The following KAZN variants were observed in gnomAD, a reference collection of about 807,000 sequenced individuals.
KAZN encodes the protein kazrin.
Under a neutral mutation model 87.4 loss-of-function variants are expected in KAZN, and 40 were observed. The ratio of observed to expected loss-of-function variants is 0.46; its 90% CI spans 0.36 to 0.60. The LOEUF is 0.60. Ranked by LOEUF, KAZN falls within the 20% of genes least tolerant of loss-of-function variation. The pLI is 0.00. For missense variants in KAZN, 898 were observed against 1,073.9 expected, an observed-to-expected ratio of 0.84 and a Z score of 2.29; for synonymous variants, 466 against 458.3, an observed-to-expected ratio of 1.02 and a Z score of -0.22.
chr1:14,409,461 C>G (rs937042454), intron 2 of KAZN, among the ~76,000 whole-genome samples: 1 of 152,172 alleles, frequency 6.6e-6, no homozygotes, highest in African/African-American at 2.4e-5. Context: ...TCTGTTAAAA[C>G]AAAATTATTG....
intron 2 of KAZN, among the ~76,000 whole-genome samples, chr1:14,245,038 A>C (rs962442083): frequency 6.6e-6 from 1 of 151,608 alleles, no homozygotes; most frequent in African/African-American, 2.4e-5. Context: ...TCGGCTCACT[A>C]CTGCCTCCAC....
intron 2 of KAZN, among the ~76,000 whole-genome samples, chr1:14,254,163 A>G (rs1049114670): frequency 2.0e-5 from 3 of 152,154 alleles, no homozygotes; most frequent in African/African-American, 7.2e-5. Flanking sequence ...TCTCATACCC[A>G]TTATGGCATG....
rs113370357 is a variant in KAZN at position 14,973,184 on chromosome 1, C to T, written c.418+12309C>T. 9.9e-3 allele frequency among the ~76,000 whole-genome samples: 1,513 copies of T among 152,234 alleles called. 20 individuals are homozygous for T. Among genetic ancestry groups the T allele is most frequent in the African/African-American group, 0.034 (1,411 of 41,526 alleles). ...GTGCTAGTTTTCCATCAATAGACAT[C>T]GTTTTAATGTTACTAAAATATTACT... On this transcript the variant is annotated intron_variant, in intron 2 of 14. Transcript: ENST00000376030.
intron 1 of KAZN, among the ~76,000 whole-genome samples, chr1:14,717,162 C>G (rs1257516857): frequency 6.6e-6 from 1 of 151,284 alleles, no homozygotes; most frequent in African/African-American, 2.4e-5. Context: ...GCATTATTGT[C>G]TCATAACCTC....
chr1:14,108,506 A>G (rs1644428567), intron 1 of KAZN, among the ~76,000 whole-genome samples: 1 of 152,194 alleles, frequency 6.6e-6, no homozygotes, highest in Non-Finnish European at 1.5e-5. Flanking sequence ...AAAACGTGGC[A>G]TCGTGCCAGA....
intron 1 of KAZN, among the ~76,000 whole-genome samples, chr1:13,905,656 C>T (rs776158824): frequency 8.5e-5 from 13 of 152,316 alleles, no homozygotes; most frequent in Admixed American, 3.9e-4. Context: ...TAAAACCTTG[C>T]CATCTATCCC....
intron 2 of KAZN, among the ~76,000 whole-genome samples, chr1:14,430,986 G>A (rs1666032115): frequency 1.3e-5 from 2 of 152,220 alleles, no homozygotes; most frequent in African/African-American, 4.8e-5. Context: ...AAGCTCCACT[G>A]TTATAGACCC....
chr1:14,131,269 A>G (rs1644986879), intron 1 of KAZN, among the ~76,000 whole-genome samples: 3 of 152,212 alleles, frequency 2.0e-5, no homozygotes, highest in East Asian at 1.9e-4. Context: ...TTACAAATTT[A>G]ACATGAGATT....
At position 15,056,312 on chromosome 1, in the gene KAZN, G is replaced by A. The variant is rs2076569; in HGVS notation, c.916+32G>A. 6,249 of 1,556,888 alleles carry A rather than the reference G, an allele frequency of 4.0e-3. 117 individuals carry two copies. The highest frequency in any genetic ancestry group is 0.034 in the South Asian group (2,921 of 85,384). On this transcript the variant is annotated intron_variant, in intron 5 of 14. Transcript: ENST00000376030. This position sits in a 1 kb window ranked among gnomAD's most constrained non-coding sequence, Gnocchi z 5.4. ...CCTGCCCTGGCCTGGCTCCACCACG[G>A]CTTCGAGGGGCTTCACAGGAGGCCA...
chr1:14,593,548 A>G (rs1430496659), intron 2 of KAZN, among the ~76,000 whole-genome samples: 2 of 152,210 alleles, frequency 1.3e-5, no homozygotes, highest in African/African-American at 4.8e-5. Flanking sequence ...AAGAATAAGC[A>G]GGATTGTTTT....
Position 14,581,697 on chromosome 1 carries a change from T to C in KAZN, c.250-17286T>C, listed in dbSNP as rs114554040. Among the ~76,000 whole-genome samples the C allele has an allele frequency of 9.1e-3, 1,389 of 152,274 alleles. 26 individuals carry two copies. The highest frequency in any genetic ancestry group is 0.031 in the African/African-American group (1,284 of 41,532). On this transcript the variant is annotated intron_variant, in intron 2 of 16. Coordinates refer to the KAZN transcript ENST00000636203. ...GCCTCATCTGCTGCCCACACCTCCCTTCATTCCACTCCATGCCTGCCCCAC... is the reference window on the plus strand; with the variant it reads ...GCCTCATCTGCTGCCCACACCTCCCCTCATTCCACTCCATGCCTGCCCCAC...
chr1:13,928,995 G>T (rs1016916194), intron 1 of KAZN, among the ~76,000 whole-genome samples: 1 of 147,792 alleles, frequency 6.8e-6, no homozygotes, highest in African/African-American at 2.5e-5. Flanking sequence ...AAATAGATTT[G>T]AGAAGCCAGA....
intron 1 of KAZN, among the ~76,000 whole-genome samples, chr1:14,749,060 T>G (rs1265610773): frequency 6.6e-6 from 1 of 152,238 alleles, no homozygotes; most frequent in African/African-American, 2.4e-5. Flanking sequence ...CAAGTCACTC[T>G]AGTCTCTGGG....
chr1:15,107,313 TTC>T (rs1641330354), intron 13 of KAZN, among the ~76,000 whole-genome samples: 1 of 152,274 alleles, frequency 6.6e-6, no homozygotes, highest in African/African-American at 2.4e-5. Flanking sequence ...ACTCCAGGTT[TTC>T]TCTCTTTCCC....
chr1:14,707,704 C>T (rs2148816052), intron 1 of KAZN, among the ~76,000 whole-genome samples: 1 of 152,280 alleles, frequency 6.6e-6, no homozygotes, highest in Middle Eastern at 3.4e-3. Flanking sequence ...GTTTGTTTGT[C>T]GTGTCAGTCA....
Position 14,335,756 on chromosome 1 carries a change from C to CAGAGAG in KAZN, c.249+155165_249+155166insGAGAGA, listed in dbSNP as rs201454445. Among the ~76,000 whole-genome samples the CAGAGAG allele has an allele frequency of 9.9e-5, 15 of 150,968 alleles. No homozygotes were observed. In the South Asian group the frequency reaches 1.7e-3, roughly 17 times the overall value. On this transcript the variant is annotated intron_variant, in intron 2 of 16. Transcript: ENST00000636203. Reference sequence around the variant, plus strand: ...AGGCGTGCATGTGCGCGCACACACACACACAGAGAGAGAGAGAGAGAGAGA... The same window carrying CAGAGAG: ...AGGCGTGCATGTGCGCGCACACACACAGAGAGACACAGAGAGAGAGAGAGAGAGAGA...
intron 2 of KAZN, among the ~76,000 whole-genome samples, chr1:14,978,525 C>A (rs180750467): frequency 6.6e-6 from 1 of 152,278 alleles, no homozygotes; most frequent in East Asian, 1.9e-4. Flanking sequence ...ATCTTGCAGA[C>A]CGACCTGGGA....
At chr1:14,802,128 G>A (rs1234520886) in intron 1 of KAZN, among the ~76,000 whole-genome samples, 1 of 151,988 alleles carries the variant, frequency 6.6e-6, no homozygotes, top group African/African-American at 2.4e-5. Context: ...GACAATGGCC[G>A]GGCATGGTGG....
chr1:15,073,528 C>T (rs986225553), intron 8 of KAZN, among the ~76,000 whole-genome samples: 10 of 152,134 alleles, frequency 6.6e-5, no homozygotes, highest in Non-Finnish European at 1.0e-4. Flanking sequence ...CCCCAAGCTG[C>T]CCCCCAGGCA....
Sources: allele counts gnomAD v4.1 joint callset (sites outside exome capture counted in the v4.1 genomes callset), GRCh38; gene constraint gnomAD v4.1.1; non-coding constraint Gnocchi (gnomAD v3.1); transcripts MANE v1.5; gene names NCBI Gene and HGNC (gene_info 2026-07-23, HGNC 2026-07-21).